CDH10: variants seen among roughly 807,000 people sequenced by gnomAD.
CDH10 encodes the protein cadherin-10.
A neutral mutation model predicts 73.1 loss-of-function variants in CDH10; 30 were observed. The ratio of observed to expected loss-of-function variants is 0.41; its 90% CI spans 0.31 to 0.56. CDH10 has a LOEUF of 0.56. Among genes scored for constraint, CDH10 ranks in the 20% least tolerant of loss-of-function variants. The probability of loss-of-function intolerance (pLI) is 0.27; values close to 1 mark genes in which losing one functional copy is unlikely to be tolerated. For missense variants in CDH10, 815 were observed against 973.7 expected (o/e 0.84, Z 2.17); for synonymous variants, 345 against 348.2 (o/e 0.99, Z 0.10).
At chr5:24,619,880 C>G (rs1052534665) in intron 1 of CDH10, among the ~76,000 whole-genome samples, 5 of 152,178 alleles carry the variant, frequency 3.3e-5, no homozygotes, top group Non-Finnish European at 7.3e-5. Flanking sequence ...TATACTGACT[C>G]TGCTCTCCTT....
In CDH10 at chr5:24,586,197, G is replaced by A. The variant is rs187108159; in HGVS notation, c.231+7063C>T. ...CTAGGATTTAACATTTTAATTCAAA[G>A]TTCTACATTTAATAGCTTTATGTAA... is the stretch of plus-strand genomic sequence containing the variant. On this transcript the variant is annotated intron_variant, in intron 2 of 11. Coordinates refer to ENST00000264463, the MANE Select transcript of CDH10 (RefSeq NM_006727.5). Among the ~76,000 whole-genome samples the A allele has an allele frequency of 1.1e-3, 164 of 152,166 alleles. 1 individual carries two copies. Among genetic ancestry groups the A allele is most frequent in the Middle Eastern group, 3.4e-3 (1 of 292 alleles).
At chr5:24,533,152 C>A (rs1441185984) in intron 5 of CDH10, among the ~76,000 whole-genome samples, 7 of 151,848 alleles carry the variant, frequency 4.6e-5, no homozygotes, top group Non-Finnish European at 8.8e-5. Context: ...CACGGCGAAA[C>A]CTTGTCTCTA....
chr5:24,565,253 C>T (rs958971643), intron 2 of CDH10, among the ~76,000 whole-genome samples: 4 of 152,030 alleles, frequency 2.6e-5, no homozygotes, highest in Non-Finnish European at 5.9e-5. Flanking sequence ...GTACAAAATC[C>T]TAAGAAATCT....
intron 2 of CDH10, among the ~76,000 whole-genome samples, chr5:24,589,382 GAAGT>G (rs969682133): frequency 2.2e-4 from 33 of 152,182 alleles, no homozygotes; most frequent in African/African-American, 7.0e-4. Context: ...AGCATATTTA[GAAGT>G]AAGAAGCCAT....
At chr5:24,623,961 G>A (rs1747402813) in intron 1 of CDH10, among the ~76,000 whole-genome samples, 1 of 151,866 alleles carries the variant, frequency 6.6e-6, no homozygotes, top group Non-Finnish European at 1.5e-5. Context: ...TTTTCCCTAA[G>A]AAATACATTC....
At position 24,498,475 on chromosome 5, in the gene CDH10, A is replaced by G; in HGVS notation, c.1438T>C (p.Leu480=). ...TGTGGGGCATTGTCATTAACATCCAAAATTCTCACAAAAACAGCCACGCGT... is the reference window on the plus strand; with the variant it reads ...TGTGGGGCATTGTCATTAACATCCAGAATTCTCACAAAAACAGCCACGCGT... The part of the protein sequence containing the change: ...TTRVAVFVRI[L]DVNDNAPQFA... The change falls in exon 9 of 12, where the codon TTG becomes CTG. Residue 480 remains leucine, a synonymous_variant. Coordinates refer to ENST00000264463, the MANE Select transcript of CDH10 (RefSeq NM_006727.5). The G allele has an allele frequency of 6.3e-7, 1 of 1,599,466 alleles. No individual in the cohort carries two copies. The highest frequency in any genetic ancestry group is 8.6e-7 in the Non-Finnish European group (1 of 1,166,724).
intron 5 of CDH10, among the ~76,000 whole-genome samples, chr5:24,529,741 G>C (rs773431443): frequency 6.6e-6 from 1 of 151,834 alleles, no homozygotes; most frequent in Non-Finnish European, 1.5e-5. Context: ...GAGTTTGTAA[G>C]GATTTTTTCT....
chr5:24,641,138 T>G (rs889597434), intron 1 of CDH10, among the ~76,000 whole-genome samples: 2 of 151,976 alleles, frequency 1.3e-5, no homozygotes, highest in African/African-American at 2.4e-5. Flanking sequence ...AATGGACTTA[T>G]ACGCTTTAGG....
intron 9 of CDH10, among the ~76,000 whole-genome samples, chr5:24,495,071 T>C (rs1742219813): frequency 6.6e-6 from 1 of 152,162 alleles, no homozygotes; most frequent in African/African-American, 2.4e-5. Flanking sequence ...CACAGTGCTT[T>C]TGTTTTGGTA....
At chr5:24,572,935 GAAAAAAA>G (rs55946839) in intron 2 of CDH10, among the ~76,000 whole-genome samples, 1 of 72,116 alleles carries the variant, frequency 1.4e-5, no homozygotes, top group Non-Finnish European at 2.5e-5. Flanking sequence ...CTTAGAAAAA[GAAAAAAA>G]AAAAAAAAAA....
chr5:24,555,822 A>G (rs1744750949), intron 2 of CDH10, among the ~76,000 whole-genome samples: 1 of 152,170 alleles, frequency 6.6e-6, no homozygotes, highest in African/African-American at 2.4e-5. Flanking sequence ...ACTGTCTTCT[A>G]GCAAGGTTAA....
chr5:24,537,540 C>T lies in CDH10; in HGVS notation c.366G>A (p.Lys122=), dbSNP rs751277074. 1.4e-5 allele frequency: 22 copies of T among 1,613,180 alleles called. No homozygotes were observed. Among genetic ancestry groups the T allele is most frequent in the Admixed American group, 1.0e-4 (6 of 59,908 alleles). The change falls in exon 3 of 12, where the codon AAG becomes AAA. Residue 122 remains lysine (K), a synonymous_variant. Transcript: ENST00000264463. The stretch of plus-strand genomic sequence containing the variant: ...CTTGTGCGCGTAGAGTATAAAAGGC[C>T]TTTTCCTCCCTATCAATTCGCCTTG... The part of the protein sequence containing the change: ...HATRRIDREE[K]AFYTLRAQAI...
intron 5 of CDH10, among the ~76,000 whole-genome samples, chr5:24,524,666 T>C (rs533884333): frequency 3.3e-5 from 5 of 152,126 alleles, no homozygotes; most frequent in Non-Finnish European, 7.4e-5. Flanking sequence ...TTAGTATGGT[T>C]ACCCATTTAA....
chr5:24,597,381 A>G (rs1197448999), intron 1 of CDH10, among the ~76,000 whole-genome samples: 4 of 152,086 alleles, frequency 2.6e-5, no homozygotes, highest in African/African-American at 9.7e-5. Flanking sequence ...CCTCAAATCA[A>G]CCTCAGAATG....
chr5:24,636,160 G>A (rs190539467), intron 1 of CDH10, among the ~76,000 whole-genome samples: 17 of 152,048 alleles, frequency 1.1e-4, no homozygotes, highest in Non-Finnish European at 1.6e-4. Flanking sequence ...ATTGTTGTTA[G>A]ACACTATAGT....
intron 1 of CDH10, among the ~76,000 whole-genome samples, chr5:24,597,005 C>T (rs903262783): frequency 8.6e-5 from 13 of 151,888 alleles, no homozygotes; most frequent in African/African-American, 2.9e-4. Context: ...ACCTCTCTGA[C>T]TAAAAATGCT....
At position 24,535,153 on chromosome 5, in the gene CDH10, G is replaced by A. The variant is rs747981734; in HGVS notation, c.773C>T (p.Thr258Met). The A allele has an allele frequency of 1.4e-5, 22 of 1,612,728 alleles. No individual in the cohort carries two copies. The highest frequency in any genetic ancestry group is 5.3e-5 in the African/African-American group (4 of 74,776). ...GLSGTTTVNITLTDVNDNPPR... is the reference protein window; with the variant it reads ...GLSGTTTVNIMLTDVNDNPPR... ...TGGGTTGTCATTGACATCTGTCAGCGTGATGTTCACAGTGGTTGTCCCCGA... is the reference window on the plus strand; with the variant it reads ...TGGGTTGTCATTGACATCTGTCAGCATGATGTTCACAGTGGTTGTCCCCGA... Residue 258 changes from threonine to methionine, a missense_variant, in exon 5 of 12, where the codon ACG (threonine) becomes ATG (methionine). Thr to Met is a moderately conservative substitution (Grantham distance 81). Around this residue, in one of 3 missense-constraint regions of CDH10, gnomAD observed 516 missense variants for 636.6 expected, o/e 0.81. Transcript: ENST00000264463.
At chr5:24,564,180 C>A (rs1000001711) in intron 2 of CDH10, among the ~76,000 whole-genome samples, 1 of 152,158 alleles carries the variant, frequency 6.6e-6, no homozygotes, top group African/African-American at 2.4e-5. Flanking sequence ...AGACCCTCTT[C>A]ATTGGACACA....
At chr5:24,594,192 G>C (rs1028614918) in intron 1 of CDH10, among the ~76,000 whole-genome samples, 14 of 151,882 alleles carry the variant, frequency 9.2e-5, no homozygotes, top group African/African-American at 3.1e-4. Flanking sequence ...GGTTAGCCTG[G>C]GGAACACCTA....
Sources: gnomAD v4.1 joint callset for allele counts (sites outside exome capture counted in the v4.1 genomes callset) on GRCh38, gnomAD v4.1.1 for gene constraint, gnomAD v4.1.1 regional missense constraint, MANE v1.5 for transcripts, NCBI Gene and HGNC (gene_info 2026-07-23, HGNC 2026-07-21) for gene names.